The following FHIT variants were observed in gnomAD, a reference collection of about 807,000 sequenced individuals.
FHIT encodes bis(5'-adenosyl)-triphosphatase.
In FHIT, 19 loss-of-function variants were observed where a neutral mutation model predicts 17.9. The observed-to-expected ratio is 1.06, with a 90% CI of 0.74 to 1.56. FHIT has a LOEUF of 1.56. Among genes scored for constraint, FHIT ranks in the 40% most tolerant of loss-of-function variants. FHIT has a pLI of 0.00. For synonymous variants in FHIT, 81 were observed against 69.7 expected (o/e 1.16, Z -0.81); for missense variants, 248 against 189.2 (o/e 1.31, Z -1.82).
intron 5 of FHIT, among the ~76,000 whole-genome samples, chr3:60,318,058 C>G (rs1285976632): frequency 6.6e-6 from 1 of 152,100 alleles, no homozygotes; most frequent in Non-Finnish European, 1.5e-5. Context: ...TCCCAAAGTG[C>G]TGGGATTACA....
In FHIT at chr3:60,714,279, T is replaced by C. The variant is rs535459729; in HGVS notation, c.-18+107640A>G. ...CAATAAATCAGGTATTGATGGGACA[T>C]ATCTCAAAATAATAAGAGCTATCTA... On this transcript the variant is annotated intron_variant, in intron 4 of 9. Coordinates refer to ENST00000492590, the MANE Select transcript of FHIT (RefSeq NM_002012.4). 2.6e-5 allele frequency among the ~76,000 whole-genome samples: 4 copies of C among 152,230 alleles called. No homozygotes were observed. In the East Asian group the frequency reaches 7.7e-4, roughly 29 times the overall value.
intron 5 of FHIT, among the ~76,000 whole-genome samples, chr3:60,485,022 C>T (rs1037473493): frequency 6.6e-6 from 1 of 152,098 alleles, no homozygotes; most frequent in Non-Finnish European, 1.5e-5. Flanking sequence ...TAAAAGGAGA[C>T]ATTTACATAA....
At chr3:59,900,307 G>C (rs564329688) in intron 8 of FHIT, among the ~76,000 whole-genome samples, 2 of 152,216 alleles carry the variant, frequency 1.3e-5, no homozygotes, top group Middle Eastern at 3.2e-3. Flanking sequence ...AGTTGTGCAG[G>C]CCTGTCCGCA....
At chr3:60,963,408 G>GT (rs1436483432) in intron 3 of FHIT, among the ~76,000 whole-genome samples, 1 of 151,152 alleles carries the variant, frequency 6.6e-6, no homozygotes. Flanking sequence ...TTTTTGAAGG[G>GT]TTTTTTGTGT....
chr3:60,793,764 C>T lies in FHIT; in HGVS notation c.-18+28155G>A, dbSNP rs181551329. Among the ~76,000 whole-genome samples, 195 of 152,336 alleles carry T rather than the reference C, an allele frequency of 1.3e-3. 2 individuals carry two copies. The highest frequency in any genetic ancestry group is 4.2e-3 in the African/African-American group (174 of 41,588). ...CAGAGGCAAGGAAACTGGGCTTTCA[C>T]TCTCACTCACCAATCACTCTGCAGC... On this transcript the variant is annotated intron_variant, in intron 4 of 9. Coordinates refer to ENST00000492590, the MANE Select transcript of FHIT (RefSeq NM_002012.4).
At chr3:59,868,047 TAAAAAAAA>T (rs1553701048) in intron 8 of FHIT, among the ~76,000 whole-genome samples, 1 of 111,364 alleles carries the variant, frequency 9.0e-6, no homozygotes, top group East Asian at 2.6e-4. Context: ...TTTTTTTTTT[TAAAAAAAA>T]AAAAAAAAAA....
At chr3:59,840,767 T>C (rs1225421883) in intron 8 of FHIT, among the ~76,000 whole-genome samples, 1 of 152,162 alleles carries the variant, frequency 6.6e-6, no homozygotes, top group Non-Finnish European at 1.5e-5. Flanking sequence ...AGGACTAGAC[T>C]ACTTAGGTTT....
chr3:60,148,021 C>T (rs909905293), intron 5 of FHIT, among the ~76,000 whole-genome samples: 1 of 152,076 alleles, frequency 6.6e-6, no homozygotes, highest in Non-Finnish European at 1.5e-5. Flanking sequence ...TTATTCTTTC[C>T]ATGGGATGTG....
At chr3:60,532,068 G>C (rs1270318583) in intron 5 of FHIT, among the ~76,000 whole-genome samples, 1 of 152,090 alleles carries the variant, frequency 6.6e-6, no homozygotes, top group Non-Finnish European at 1.5e-5. Context: ...GTAACATTCT[G>C]CGTGAGATGG....
chr3:60,919,722 T>C (rs1387466622), intron 3 of FHIT, among the ~76,000 whole-genome samples: 1 of 152,192 alleles, frequency 6.6e-6, no homozygotes, highest in African/African-American at 2.4e-5. Flanking sequence ...AATCACGAGC[T>C]GTATATTTTT....
At chr3:60,806,588 G>A (rs1237193858) in intron 4 of FHIT, among the ~76,000 whole-genome samples, 1 of 152,142 alleles carries the variant, frequency 6.6e-6, no homozygotes, top group Non-Finnish European at 1.5e-5. Context: ...TAAGCTAATG[G>A]CTCCCATGGT....
chr3:60,001,750 C>T (rs1007239171), intron 7 of FHIT, among the ~76,000 whole-genome samples: 1 of 152,132 alleles, frequency 6.6e-6, no homozygotes, highest in African/African-American at 2.4e-5. Context: ...GAGTGAGATT[C>T]ATCGATGGTC....
At chr3:60,054,759 G>A (rs549060985) in intron 5 of FHIT, among the ~76,000 whole-genome samples, 65 of 152,212 alleles carry the variant, frequency 4.3e-4, no homozygotes, top group African/African-American at 1.5e-3. Flanking sequence ...TGTTGTGTTG[G>A]TGGTGGTGGT....
chr3:59,784,294 T>G (rs1702737910), intron 8 of FHIT, among the ~76,000 whole-genome samples: 1 of 152,234 alleles, frequency 6.6e-6, no homozygotes, highest in Non-Finnish European at 1.5e-5. Flanking sequence ...ATTCTCTACC[T>G]TCTACCAGCC....
chr3:60,516,362 T>G (rs994929935), intron 5 of FHIT, among the ~76,000 whole-genome samples: 2 of 152,244 alleles, frequency 1.3e-5, no homozygotes, highest in African/African-American at 4.8e-5. Flanking sequence ...TCCTTATTTC[T>G]GCTTCTGTAT....
chr3:60,904,491 A>G (rs74439824), intron 3 of FHIT, among the ~76,000 whole-genome samples: 6 of 145,098 alleles, frequency 4.1e-5, no homozygotes, highest in African/African-American at 5.0e-5. Flanking sequence ...AAAAAAAAAA[A>G]GAAAAAAAAA....
intron 4 of FHIT, among the ~76,000 whole-genome samples, chr3:60,538,557 T>C (rs1214872391): frequency 5.9e-5 from 9 of 152,094 alleles, no homozygotes; most frequent in Non-Finnish European, 8.8e-5. Flanking sequence ...AAGGCTACAG[T>C]AACCAAAACA....
intron 5 of FHIT, among the ~76,000 whole-genome samples, chr3:60,028,623 A>C (rs1407677299): frequency 3.3e-5 from 5 of 152,224 alleles, no homozygotes. Flanking sequence ...CAAGTGACCA[A>C]AAACAAAAAC....
chr3:60,892,351 C>A (rs1035880867), intron 3 of FHIT, among the ~76,000 whole-genome samples: 1 of 152,086 alleles, frequency 6.6e-6, no homozygotes, highest in Non-Finnish European at 1.5e-5. Context: ...TGACAGCTAC[C>A]CTTGCTCTCT....
Sources: allele counts gnomAD v4.1 joint callset (sites outside exome capture counted in the v4.1 genomes callset), GRCh38; gene constraint gnomAD v4.1.1; transcripts MANE v1.5; gene names NCBI Gene and HGNC (gene_info 2026-07-23, HGNC 2026-07-21).